GAN: variants seen among roughly 807,000 people sequenced by gnomAD.
The protein encoded by GAN is epididymis secretory sperm binding protein.
A neutral mutation model predicts 71.3 loss-of-function variants in GAN; 48 were observed. That is an observed-to-expected ratio of 0.67 (90% CI 0.53 to 0.86). The LOEUF (loss-of-function observed/expected upper bound fraction) is 0.86, where lower values mean the gene tolerates loss of function less well. Ranked by LOEUF, GAN falls within the 40% of genes least tolerant of loss-of-function variation. The pLI, the probability that GAN is intolerant of heterozygous loss-of-function variation, is 0.00. For synonymous variants in GAN, 386 were observed against 276.8 expected, an observed-to-expected ratio of 1.39 and a Z score of -3.92; for missense variants, 928 against 770.1, an observed-to-expected ratio of 1.21 and a Z score of -2.43.
intron 1 of GAN, among the ~76,000 whole-genome samples, chr16:81,336,920 C>T (rs764696573): frequency 2.8e-4 from 42 of 152,090 alleles, no homozygotes; most frequent in Non-Finnish European, 5.3e-4. Context: ...TGTTACAATT[C>T]CTGAACCTAC....
chr16:81,333,017 A>G (rs766528225), intron 1 of GAN, among the ~76,000 whole-genome samples: 4 of 152,120 alleles, frequency 2.6e-5, no homozygotes, highest in Non-Finnish European at 5.9e-5. Flanking sequence ...AGGTGGGCAG[A>G]TCACAAGGTC....
intron 9 of GAN, among the ~76,000 whole-genome samples, chr16:81,366,390 G>A (rs963228478): frequency 1.3e-5 from 2 of 152,148 alleles, no homozygotes; most frequent in East Asian, 1.9e-4. Context: ...CATCCTTCTC[G>A]ATGTCTTCTC....
In GAN at chr16:81,363,950, A is replaced by C; in HGVS notation, c.1236+7A>C. 1 of 1,610,080 alleles carries C rather than the reference A, an allele frequency of 6.2e-7. No homozygotes were observed. The highest frequency in any genetic ancestry group is 8.5e-7 in the Non-Finnish European group (1 of 1,176,314). On this transcript the variant is annotated splice_region_variant and intron_variant, in intron 7 of 10. Coordinates refer to ENST00000648994, the MANE Select transcript of GAN (RefSeq NM_022041.4). ...TTTGACCATGGTCAGAAAGGTGAGG[A>C]CTGCATTTTGTGATAACTAGTCTGT...
At chr16:81,352,176 G>T (rs953227153) in intron 2 of GAN, among the ~76,000 whole-genome samples, 40 of 152,272 alleles carry the variant, frequency 2.6e-4, no homozygotes, top group African/African-American at 9.4e-4. Context: ...ATGACTGACA[G>T]ACATGACAAG....
At chr16:81,327,442 A>G (rs1448191201) in intron 1 of GAN, among the ~76,000 whole-genome samples, 1 of 151,976 alleles carries the variant, frequency 6.6e-6, no homozygotes, top group Non-Finnish European at 1.5e-5. Flanking sequence ...TGTTTCCCCT[A>G]CTCCACTATC....
chr16:81,372,382 T>C (rs1437293850), intron 9 of GAN, among the ~76,000 whole-genome samples: 2 of 152,244 alleles, frequency 1.3e-5, no homozygotes, highest in Non-Finnish European at 2.9e-5. Flanking sequence ...GTTGATGGTA[T>C]CTGGTATCTC....
intron 3 of GAN, among the ~76,000 whole-genome samples, chr16:81,355,550 A>G (rs1910458635): frequency 2.6e-5 from 4 of 152,146 alleles, no homozygotes. Context: ...TTTTGTAGAG[A>G]CAGGGTCTCG....
rs150144866 is a variant in GAN at position 81,342,225 on chromosome 16, G to A, written c.168-9358G>A. Among the ~76,000 whole-genome samples the A allele has an allele frequency of 2.6e-3, 392 of 152,256 alleles. 1 individual carries two copies. The highest frequency in any genetic ancestry group is 7.9e-3 in the African/African-American group (328 of 41,540). On this transcript the variant is annotated intron_variant, in intron 1 of 10. Transcript: ENST00000648994. Reference sequence around the variant, plus strand: ...CACTGTCAATATTAGACAGATGAATGAGACAGAAAATTAATAAGGGTATGC... The same window carrying A: ...CACTGTCAATATTAGACAGATGAATAAGACAGAAAATTAATAAGGGTATGC...
At chr16:81,360,069 A>ACG (rs1219491912) in intron 5 of GAN, among the ~76,000 whole-genome samples, 1 of 102,850 alleles carries the variant, frequency 9.7e-6, no homozygotes, top group Non-Finnish European at 2.2e-5. Flanking sequence ...ATGGATGGAT[A>ACG]GATGGATGGA....
intron 1 of GAN, among the ~76,000 whole-genome samples, chr16:81,343,568 C>G (rs1392131968): frequency 6.6e-6 from 1 of 152,152 alleles, no homozygotes; most frequent in Non-Finnish European, 1.5e-5. Flanking sequence ...AATTTGGCAG[C>G]CTTTCATGGT....
intron 1 of GAN, among the ~76,000 whole-genome samples, chr16:81,334,771 A>G (rs1909700111): frequency 6.6e-6 from 1 of 152,220 alleles, no homozygotes; most frequent in South Asian, 2.1e-4. Context: ...TCATGATGCC[A>G]TTCTAAACAG....
Position 81,321,170 on chromosome 16 carries a change from G to T in GAN, c.167+5890G>T, listed in dbSNP as rs568662481. 2.6e-5 allele frequency among the ~76,000 whole-genome samples: 4 copies of T among 152,310 alleles called. No individual in the cohort carries two copies. In the East Asian group the frequency reaches 7.7e-4, roughly 29 times the overall value. On this transcript the variant is annotated intron_variant, in intron 1 of 10. Transcript: ENST00000648994. ...TAGCAGTAGATGTTCTAATTCTGGA[G>T]AGGTTTTTGGAAGGTTTCAAATGAT...
At chr16:81,368,286 C>A (rs1910926554) in intron 9 of GAN, among the ~76,000 whole-genome samples, 1 of 152,128 alleles carries the variant, frequency 6.6e-6, no homozygotes, top group Admixed American at 6.5e-5. Flanking sequence ...TACTATCCTC[C>A]CAGTCATCCA....
At chr16:81,342,830 A>G (rs926412995) in intron 1 of GAN, among the ~76,000 whole-genome samples, 2 of 152,218 alleles carry the variant, frequency 1.3e-5, no homozygotes, top group Admixed American at 1.3e-4. Flanking sequence ...AAAATCAATG[A>G]ATCCAGGAAC....
At chr16:81,329,706 C>T (rs911211686) in intron 1 of GAN, among the ~76,000 whole-genome samples, 4 of 152,180 alleles carry the variant, frequency 2.6e-5, no homozygotes, top group African/African-American at 7.2e-5. Flanking sequence ...TTCTGTGGCA[C>T]CTCTTGTCCC....
intron 1 of GAN, among the ~76,000 whole-genome samples, chr16:81,341,160 A>G (rs905955115): frequency 4.6e-5 from 7 of 152,212 alleles, no homozygotes; most frequent in African/African-American, 1.4e-4. Context: ...GACCAAATCT[A>G]CATTTGTTTG....
rs1315378832 is a variant in GAN at position 81,389,613 on chromosome 16, C to T, written c.*12017C>T. ...TCTGTACCTATCTGTGAGTGAGACC[C>T]ATTCATGACACACTAGAAATGTGTA... On this transcript the variant is annotated 3_prime_UTR_variant, in exon 11 of 11. Coordinates refer to ENST00000648994, the MANE Select transcript of GAN (RefSeq NM_022041.4). 6.6e-6 allele frequency: 1 copy of T among 152,208 alleles called. No individual in the cohort carries two copies. Among genetic ancestry groups the T allele is most frequent in the African/African-American group, 2.4e-5 (1 of 41,450 alleles). The allele number at this position is 152,208 out of a possible 1,614,324, so 9.4% of individuals were successfully genotyped here.
In GAN at chr16:81,363,889, C is replaced by G; in HGVS notation, c.1182C>G (p.Tyr394Ter). 3 of 1,612,358 alleles carry G rather than the reference C, an allele frequency of 1.9e-6. No homozygotes were observed. Among genetic ancestry groups the G allele is most frequent in the Non-Finnish European group, 1.7e-6 (2 of 1,178,444 alleles). ...AGGAGCTGATTTCCATGGAGTGTTA[C>G]GATATTTATTCTAAAACCTGGACAA... ...GEKELISMECYDIYSKTWTKQ... is the reference protein window; with the variant it reads ...GEKELISMEC Residue 394 changes from tyrosine to a stop codon, truncating the protein, a stop_gained, in exon 7 of 11, where the codon TAC becomes TAG. Transcript: ENST00000648994. LOFTEE classifies it high-confidence loss of function.
intron 5 of GAN, among the ~76,000 whole-genome samples, chr16:81,358,366 G>A (rs962137514): frequency 9.2e-5 from 14 of 152,106 alleles, no homozygotes; most frequent in East Asian, 3.9e-4. Flanking sequence ...TGTAATCCCC[G>A]CAGTTTAGGA....
Sources: allele counts gnomAD v4.1 joint callset (sites outside exome capture counted in the v4.1 genomes callset), GRCh38; gene constraint gnomAD v4.1.1; transcripts MANE v1.5; gene names NCBI Gene and HGNC (gene_info 2026-07-23, HGNC 2026-07-21).